UBE3B: variants seen among roughly 807,000 people sequenced by gnomAD.
UBE3B encodes the protein ubiquitin protein ligase E3B.
Under a neutral mutation model 132.3 loss-of-function variants are expected in UBE3B, and 80 were observed. That is an observed-to-expected ratio of 0.60 (90% CI 0.50 to 0.73). The LOEUF is 0.73. Ranked by LOEUF, UBE3B falls within the 30% of genes least tolerant of loss-of-function variation. UBE3B has a pLI of 0.00. For missense variants in UBE3B, 1,196 were observed against 1,362.5 expected (o/e 0.88, Z 1.92); for synonymous variants, 487 against 520.4 (o/e 0.94, Z 0.87).
chr12:109,534,013 G>T lies in UBE3B; in HGVS notation c.3015+455G>T. The T allele has an allele frequency of 7.7e-7, 1 of 1,295,582 alleles. No individual in the cohort carries two copies. Among genetic ancestry groups the T allele is most frequent in the South Asian group, 1.2e-5 (1 of 81,078 alleles). The allele number at this position is 1,295,582 out of a possible 1,614,324, so 80.3% of individuals were successfully genotyped here. A position where few individuals can be genotyped will look rare whatever the true frequency, so the allele number is the denominator to read the frequency against. The stretch of plus-strand genomic sequence containing the variant: ...CCAAAGGAGAAGGAAAGCCTTCAGG[G>T]TTACGGAGCTCTGTGTGTCTCAAGC... On this transcript the variant is annotated intron_variant, in intron 27 of 27. Coordinates refer to ENST00000342494, the MANE Select transcript of UBE3B (RefSeq NM_130466.4). This position sits in a 1 kb window ranked among gnomAD's most constrained non-coding sequence, Gnocchi z 5.2.
chr12:109,537,560 C>G (rs1056868929), downstream of UBE3B, among the ~76,000 whole-genome samples: 1 of 152,222 alleles, frequency 6.6e-6, no homozygotes, highest in Non-Finnish European at 1.5e-5. Flanking sequence ...AGAATTCATG[C>G]ACGCAGGCGT....
At chr12:109,520,276 C>T (rs910137856) in intron 19 of UBE3B, 2 of 152,214 alleles carry the variant, frequency 1.3e-5, no homozygotes, top group African/African-American at 4.8e-5. Context: ...ATAAAAACCT[C>T]AGCACCCCAA....
At chr12:109,546,073 G>A in the UBE3B span, among the ~76,000 whole-genome samples, 5 of 152,132 alleles carry the variant, frequency 3.3e-5, no homozygotes, top group African/African-American at 1.2e-4. Flanking sequence ...GTTGCAAGTG[G>A]GACAGAATCA....
At chr12:109,529,117 C>T (rs986883625) in intron 24 of UBE3B, among the ~76,000 whole-genome samples, 5 of 152,158 alleles carry the variant, frequency 3.3e-5, no homozygotes. Flanking sequence ...GCTGAGATCG[C>T]ACCACTGCAC....
chr12:109,486,529 TCAAGAA>T lies in UBE3B; in HGVS notation c.404_409del (p.Lys135_Asn136del), dbSNP rs1566073964. 2 of 1,522,794 alleles carry T rather than the reference TCAAGAA, an allele frequency of 1.3e-6. No individual in the cohort carries two copies. The allele number at this position is 1,522,794 out of a possible 1,614,324, so 94.3% of individuals were successfully genotyped here. ...CTCACCCTCCTTTGGATTCAACAGA[TCAAGAA>T]CATTTTGTGGTACTGCTGTGATTTT... is the stretch of plus-strand genomic sequence containing the variant. On this transcript the variant is annotated inframe_deletion, in exon 6 of 28. Transcript: ENST00000342494.
chr12:109,534,783 C>G lies in UBE3B; in HGVS notation c.*1C>G. 6.6e-7 allele frequency: 1 copy of G among 1,514,254 alleles called. No homozygotes were observed. Among genetic ancestry groups the G allele is most frequent in the Non-Finnish European group, 8.9e-7 (1 of 1,129,204 alleles). 93.8% of individuals were successfully genotyped at this position (1,514,254 alleles called of 1,614,324 possible). Reference sequence around the variant, plus strand: ...GAACACGGGCTTTGAACTCTCCTAGCTCCTGTCCCAGCCCTGCCTCCAGGG... The same window carrying G: ...GAACACGGGCTTTGAACTCTCCTAGGTCCTGTCCCAGCCCTGCCTCCAGGG... On this transcript the variant is annotated 3_prime_UTR_variant, in exon 28 of 28. Coordinates refer to ENST00000342494, the MANE Select transcript of UBE3B (RefSeq NM_130466.4). The surrounding 1 kb of genome is among the most constrained non-coding windows in gnomAD (Gnocchi z 5.2).
chr12:109,528,533 G>T, intron 24 of UBE3B: 1 of 980,540 alleles, frequency 1.0e-6, no homozygotes, highest in East Asian at 1.1e-4. Flanking sequence ...TCATACGTGG[G>T]CCGGGCTCAA....
intron 14 of UBE3B, among the ~76,000 whole-genome samples, chr12:109,506,517 T>G (rs1420620783): frequency 1.3e-5 from 2 of 152,110 alleles, no homozygotes; most frequent in Non-Finnish European, 2.9e-5. Flanking sequence ...CCCGGCTGAT[T>G]TTGTATTTTT....
intron 22 of UBE3B, 56 bp from the exon 23 acceptor site, chr12:109,524,382 T>C (rs1188365286): frequency 6.2e-7 from 1 of 1,602,556 alleles, no homozygotes; most frequent in Non-Finnish European, 8.5e-7. Context: ...GGGTTAAACC[T>C]CTTAAGCACA....
At chr12:109,486,641 T>C in intron 6 of UBE3B, 66 bp downstream of exon 6, 1 of 1,267,118 alleles carries the variant, frequency 7.9e-7, no homozygotes, top group South Asian at 1.4e-5. Context: ...TTTTCACCTG[T>C]AGACTTTAGT....
At chr12:109,523,807 A>G (rs1268828205) in intron 21 of UBE3B, among the ~76,000 whole-genome samples, 171 bp from the exon 22 acceptor site, 1 of 152,198 alleles carries the variant, frequency 6.6e-6, no homozygotes, top group Non-Finnish European at 1.5e-5. Context: ...GGAGGCACTC[A>G]GTTGTATTTG....
Position 109,478,839 on chromosome 12 carries a change from A to C in UBE3B, c.-128+730A>C, listed in dbSNP as rs371590722. ...TGTTGAAAAGACAAGTTGGTTAAATAATCTGTGCAGTGTCTGATACACCGT... is the reference window on the plus strand; with the variant it reads ...TGTTGAAAAGACAAGTTGGTTAAATCATCTGTGCAGTGTCTGATACACCGT... On this transcript the variant is annotated intron_variant, in intron 1 of 27. Transcript: ENST00000342494. Among the ~76,000 whole-genome samples the C allele has an allele frequency of 2.6e-5, 4 of 152,348 alleles. No individual in the cohort carries two copies. In the South Asian group the frequency reaches 6.2e-4, roughly 24 times the overall value.
At chr12:109,495,480 C>T (rs568120373) in intron 9 of UBE3B, among the ~76,000 whole-genome samples, 2 of 152,286 alleles carry the variant, frequency 1.3e-5, no homozygotes, top group South Asian at 4.1e-4. Flanking sequence ...CAACCATCAC[C>T]TGCTGAGACC....
At chr12:109,533,941 C>G (rs1338042727) in intron 27 of UBE3B, 3 of 1,314,302 alleles carry the variant, frequency 2.3e-6, no homozygotes, top group Middle Eastern at 2.1e-4. Flanking sequence ...TACTCCTACC[C>G]CAGCAGGCTG....
chr12:109,502,353 G>C (rs1592918743), intron 13 of UBE3B, among the ~76,000 whole-genome samples: 1 of 152,146 alleles, frequency 6.6e-6, no homozygotes, highest in African/African-American at 2.4e-5. Flanking sequence ...CCTATCGCAG[G>C]GTCAGTAATG....
chr12:109,496,736 C>A (rs989752157), intron 9 of UBE3B, among the ~76,000 whole-genome samples: 2 of 152,166 alleles, frequency 1.3e-5, no homozygotes, highest in African/African-American at 4.8e-5. Context: ...TTGGATGTTT[C>A]ATCTTTTATG....
chr12:109,526,815 G>T (rs1379408683), intron 24 of UBE3B, among the ~76,000 whole-genome samples: 5 of 151,392 alleles, frequency 3.3e-5, no homozygotes, highest in African/African-American at 9.7e-5. Flanking sequence ...AGGTTGCAGT[G>T]AGCCAAGATC....
Position 109,533,544 on chromosome 12 carries a change from G to A in UBE3B, c.3001G>A (p.Val1001Met), listed in dbSNP as rs778021178. The change falls in exon 27 of 28, where the codon GTG becomes ATG. Residue 1001 changes from valine to methionine, a missense_variant. By Grantham distance (21) the Val-to-Met change is conservative (BLOSUM62 1). Transcript: ENST00000342494. ...TCCATTCTCCATCCGCTGCGTGGAG[G>A]TGTCGGACGATCAGGTACCCCCACG... ...KPPFSIRCVE[V>M]SDDQDTGDTL... is the part of the protein sequence containing the mutation. 1 of 1,613,640 alleles carries A rather than the reference G, an allele frequency of 6.2e-7. No homozygotes were observed. The highest frequency in any genetic ancestry group is 8.5e-7 in the Non-Finnish European group (1 of 1,179,980).
At chr12:109,505,181 G>C (rs1168109554) in intron 14 of UBE3B, among the ~76,000 whole-genome samples, 1 of 152,182 alleles carries the variant, frequency 6.6e-6, no homozygotes, top group African/African-American at 2.4e-5. Flanking sequence ...TTGATATTCA[G>C]TCTATTTAGC....
Sources: gnomAD v4.1 joint callset for allele counts (sites outside exome capture counted in the v4.1 genomes callset) on GRCh38, gnomAD v4.1.1 for gene constraint, Gnocchi (gnomAD v3.1) non-coding constraint, MANE v1.5 for transcripts, NCBI Gene and HGNC (gene_info 2026-07-23, HGNC 2026-07-21) for gene names.